Variants in ZNRF1 observed in about 807,000 individuals in gnomAD.
ZNRF1 encodes the protein E3 ubiquitin-protein ligase ZNRF1.
ZNRF1 carries 3 observed loss-of-function variants against 18.4 expected under a neutral mutation model. The ratio of observed to expected loss-of-function variants is 0.16; its 90% CI spans 0.07 to 0.42. ZNRF1 has a LOEUF of 0.42. Among genes scored for constraint, ZNRF1 ranks in the 10% least tolerant of loss-of-function variants. The pLI is 0.99. For missense variants in ZNRF1, 310 were observed against 329.8 expected (o/e 0.94, Z 0.47); for synonymous variants, 157 against 144.2 (o/e 1.09, Z -0.64).
intron 1 of ZNRF1, among the ~76,000 whole-genome samples, chr16:75,009,790 C>T (rs1334042105): frequency 6.6e-6 from 1 of 151,440 alleles, no homozygotes; most frequent in Admixed American, 6.6e-5. Context: ...ACATCCTTGC[C>T]AATACTTGTT....
chr16:75,096,167 G>C lies in ZNRF1; in HGVS notation c.520+2500G>C, dbSNP rs185792622. 2.0e-5 allele frequency among the ~76,000 whole-genome samples: 3 copies of C among 151,956 alleles called. No individual in the cohort carries two copies. In the East Asian group the frequency reaches 5.8e-4, roughly 29 times the overall value. ...CCAGTCCTTTACCACTGGAGGCAAA[G>C]AGAGGCCAGTTGTCTCCAGTCCTTC... is the stretch of plus-strand genomic sequence containing the variant. On this transcript the variant is annotated intron_variant, in intron 2 of 4. Transcript: ENST00000335325.
At chr16:75,033,028 T>C (rs1471866667) in intron 1 of ZNRF1, among the ~76,000 whole-genome samples, 1 of 152,154 alleles carries the variant, frequency 6.6e-6, no homozygotes, top group Non-Finnish European at 1.5e-5. Flanking sequence ...ATGGAAGGTT[T>C]AAGGGTACTA....
chr16:75,092,457 A>T (rs2036150912), intron 1 of ZNRF1, among the ~76,000 whole-genome samples: 1 of 152,246 alleles, frequency 6.6e-6, no homozygotes, highest in Admixed American at 6.5e-5. Flanking sequence ...GATGTGCACA[A>T]TTTAATGCAG....
At chr16:75,079,544 T>C (rs2035984809) in intron 1 of ZNRF1, among the ~76,000 whole-genome samples, 1 of 152,140 alleles carries the variant, frequency 6.6e-6, no homozygotes, top group African/African-American at 2.4e-5. Context: ...CTAGAGTCTT[T>C]GCATGTCTTT....
intron 1 of ZNRF1, among the ~76,000 whole-genome samples, chr16:75,024,488 T>C (rs2035195470): frequency 1.3e-5 from 2 of 152,226 alleles, no homozygotes; most frequent in African/African-American, 2.4e-5. Flanking sequence ...GTAGTTTGTG[T>C]TGGAAAAGAG....
At chr16:75,065,835 C>T (rs544019579) in intron 1 of ZNRF1, among the ~76,000 whole-genome samples, 1 of 152,268 alleles carries the variant, frequency 6.6e-6, no homozygotes, top group Non-Finnish European at 1.5e-5. Context: ...TGTGGACACT[C>T]CACCAATTAT....
In ZNRF1 at chr16:75,015,163, GT is replaced by G. The variant is rs376885355; in HGVS notation, c.424+15069del. On this transcript the variant is annotated intron_variant, in intron 1 of 4. Coordinates refer to ENST00000335325, the MANE Select transcript of ZNRF1 (RefSeq NM_032268.5). ...AATTTTGAAATAACTGAATATTCAAGTATTTTCTCTTATGGCTTATGCATTT... is the reference window on the plus strand; with the variant it reads ...AATTTTGAAATAACTGAATATTCAAGATTTTCTCTTATGGCTTATGCATTT... Among the ~76,000 whole-genome samples the G allele has an allele frequency of 7.9e-5, 12 of 152,162 alleles. No individual in the cohort carries two copies. The East Asian group carries it at 2.1e-3, about 27-fold the overall frequency.
At chr16:75,054,023 G>C (rs1323007348) in intron 1 of ZNRF1, among the ~76,000 whole-genome samples, 2 of 152,208 alleles carry the variant, frequency 1.3e-5, no homozygotes, top group Non-Finnish European at 2.9e-5. Context: ...CAGGGAATAG[G>C]ACTGATGCCA....
intron 1 of ZNRF1, among the ~76,000 whole-genome samples, chr16:75,059,855 A>G (rs899651394): frequency 1.3e-5 from 2 of 152,088 alleles, no homozygotes; most frequent in African/African-American, 4.8e-5. Flanking sequence ...TTGAAGTTAC[A>G]TTCTTTATGT....
intron 2 of ZNRF1, among the ~76,000 whole-genome samples, chr16:75,093,925 T>C (rs943917930): frequency 6.6e-6 from 1 of 152,184 alleles, no homozygotes; most frequent in African/African-American, 2.4e-5. Context: ...GCTGCTCAGT[T>C]AGGCCCCTGC....
At chr16:75,028,548 G>T (rs2035255611) in intron 1 of ZNRF1, among the ~76,000 whole-genome samples, 1 of 152,230 alleles carries the variant, frequency 6.6e-6, no homozygotes, top group Admixed American at 6.5e-5. Context: ...ACCCACCTTG[G>T]GCTCCCAAAG....
intron 1 of ZNRF1, among the ~76,000 whole-genome samples, chr16:75,066,022 G>C (rs1159751358): frequency 6.6e-6 from 1 of 152,226 alleles, no homozygotes; most frequent in Non-Finnish European, 1.5e-5. Flanking sequence ...GAAGGTAGGA[G>C]TGAGATGCCA....
chr16:75,038,917 A>G (rs1007172933), intron 1 of ZNRF1, among the ~76,000 whole-genome samples: 6 of 152,200 alleles, frequency 3.9e-5, no homozygotes, highest in African/African-American at 1.4e-4. Context: ...CTGCTCCAGT[A>G]TACAGTGATG....
chr16:75,027,887 A>G (rs971222221), intron 1 of ZNRF1, among the ~76,000 whole-genome samples: 1 of 152,194 alleles, frequency 6.6e-6, no homozygotes, highest in Non-Finnish European at 1.5e-5. Context: ...CCAGCCTCCT[A>G]GAGGACTCTT....
intron 1 of ZNRF1, among the ~76,000 whole-genome samples, chr16:75,062,307 G>A (rs561288282): frequency 6.6e-6 from 1 of 152,210 alleles, no homozygotes; most frequent in Non-Finnish European, 1.5e-5. Flanking sequence ...GCAGAGGCCC[G>A]TGACCATCAA....
Position 75,026,911 on chromosome 16 carries a change from AAAG to A in ZNRF1, c.424+26819_424+26821del, listed in dbSNP as rs1255061817. Among the ~76,000 whole-genome samples, 1,059 of 127,084 alleles carry A rather than the reference AAAG, an allele frequency of 8.3e-3. 10 individuals are homozygous for A. The highest frequency in any genetic ancestry group is 0.037 in the African/African-American group (936 of 25,366). 83.4% of individuals were successfully genotyped at this position (127,084 alleles called of 152,430 possible). On this transcript the variant is annotated intron_variant, in intron 1 of 4. Coordinates refer to ENST00000335325, the MANE Select transcript of ZNRF1 (RefSeq NM_032268.5). Reference sequence around the variant, plus strand: ...CAGAATGAGACTGTCTCAAAAAAAAAAAGAAAGAAAGAAAAAGAATATCACTAA... The same window carrying A: ...CAGAATGAGACTGTCTCAAAAAAAAAAAAGAAAGAAAAAGAATATCACTAA...
chr16:75,045,065 G>A (rs1237480883), intron 1 of ZNRF1, among the ~76,000 whole-genome samples: 1 of 152,176 alleles, frequency 6.6e-6, no homozygotes, highest in Non-Finnish European at 1.5e-5. Context: ...AGGATCTTCT[G>A]GCAGGTGTCC....
intron 1 of ZNRF1, among the ~76,000 whole-genome samples, chr16:75,087,795 G>T (rs994170170): frequency 6.6e-6 from 1 of 152,234 alleles, no homozygotes; most frequent in African/African-American, 2.4e-5. Flanking sequence ...ATCAGGCTTG[G>T]CCAGCAAGCC....
rs796077482 is a variant in ZNRF1, at chr16:74,999,874, C to T, written c.203C>T (p.Pro68Leu). The change falls in exon 1 of 5, where the codon CCC (proline) becomes CTC (leucine). Residue 68 changes from proline (P) to leucine (L), a missense_variant. By Grantham distance (98) the Pro-to-Leu change is moderately conservative. Around this residue, in one of 2 missense-constraint regions of ZNRF1, gnomAD observed 293 missense variants for 291.2 expected, o/e 1.01. Transcript: ENST00000335325. ...GACCCCAGCACGGCCGGGGGGGTGC[C>T]CTTTGGCCTCTACACCCCCGCCTCC... Reference protein sequence around the residue: ...GMDPSTAGGVPFGLYTPASRG... With the variant: ...GMDPSTAGGVLFGLYTPASRG... 1 of 1,532,654 alleles carries T rather than the reference C, an allele frequency of 6.5e-7. No individual in the cohort carries two copies. Among genetic ancestry groups the T allele is most frequent in the Non-Finnish European group, 8.7e-7 (1 of 1,143,124 alleles). The allele number at this position is 1,532,654 out of a possible 1,614,324, so 94.9% of individuals were successfully genotyped here.
Sources: gnomAD v4.1 joint callset for allele counts (sites outside exome capture counted in the v4.1 genomes callset) on GRCh38, gnomAD v4.1.1 for gene constraint, gnomAD v4.1.1 regional missense constraint, MANE v1.5 for transcripts, NCBI Gene and HGNC (gene_info 2026-07-23, HGNC 2026-07-21) for gene names.